WWOX: variants seen among roughly 807,000 people sequenced by gnomAD.
WWOX encodes the protein WW domain-containing oxidoreductase.
Under a neutral mutation model 46.2 loss-of-function variants are expected in WWOX, and 69 were observed. The ratio of observed to expected loss-of-function variants is 1.49; its 90% CI spans 1.23 to 1.82. The LOEUF (loss-of-function observed/expected upper bound fraction) is 1.82. WWOX is among the 40% of genes most tolerant of loss of function. The pLI, the probability that WWOX is intolerant of heterozygous loss-of-function variation, is 0.00. For synonymous variants in WWOX, 359 were observed against 202.6 expected (o/e 1.77, Z -6.56); for missense variants, 919 against 542.6 (o/e 1.69, Z -6.89).
At chr16:78,495,582 C>T (rs1344101349) in intron 8 of WWOX, among the ~76,000 whole-genome samples, 3 of 150,776 alleles carry the variant, frequency 2.0e-5, no homozygotes, top group Non-Finnish European at 2.9e-5. Context: ...GATCTCAGCT[C>T]ACTGCAACCT....
At chr16:79,059,775 AGTT>A (rs2048327122) in intron 8 of WWOX, among the ~76,000 whole-genome samples, 2 of 152,224 alleles carry the variant, frequency 1.3e-5, no homozygotes, top group African/African-American at 4.8e-5. Flanking sequence ...CATTTAAAAA[AGTT>A]GTTCTGCTAA....
chr16:79,059,722 T>C (rs940751676), intron 8 of WWOX, among the ~76,000 whole-genome samples: 1 of 152,160 alleles, frequency 6.6e-6, no homozygotes, highest in African/African-American at 2.4e-5. Flanking sequence ...TCAATCGTTT[T>C]ACTAAGAAAT....
chr16:79,204,766 T>A (rs1254732918), intron 8 of WWOX: 1 of 152,156 alleles, frequency 6.6e-6, no homozygotes, highest in Non-Finnish European at 1.5e-5. Flanking sequence ...CTTTGGGTGG[T>A]TGGGACTGGC....
chr16:78,472,104 T>C (rs2084237201), intron 8 of WWOX, among the ~76,000 whole-genome samples: 1 of 151,892 alleles, frequency 6.6e-6, no homozygotes, highest in African/African-American at 2.4e-5. Context: ...AGACAGAGAG[T>C]TGAGGAAAGC....
chr16:78,951,679 G>A (rs1025172058), intron 8 of WWOX, among the ~76,000 whole-genome samples: 1 of 152,188 alleles, frequency 6.6e-6, no homozygotes, highest in African/African-American at 2.4e-5. Flanking sequence ...GTGGAATTCA[G>A]GACTGCGGTT....
chr16:78,862,538 A>G (rs1385755062), intron 8 of WWOX, among the ~76,000 whole-genome samples: 1 of 152,104 alleles, frequency 6.6e-6, no homozygotes, highest in East Asian at 1.9e-4. Flanking sequence ...AGATTTTTAA[A>G]TAAGGAATTG....
chr16:78,705,333 T>C (rs2048307541), intron 8 of WWOX, among the ~76,000 whole-genome samples: 1 of 152,172 alleles, frequency 6.6e-6, no homozygotes, highest in African/African-American at 2.4e-5. Flanking sequence ...GACAACATGG[T>C]CTATATGAAA....
At position 78,768,933 on chromosome 16, in the gene WWOX, C is replaced by T. The variant is rs369939522; in HGVS notation, c.1056+336181C>T. On this transcript the variant is annotated intron_variant, in intron 8 of 8. Transcript: ENST00000566780. ...TGCGCCATGGTGTAGGGGAGGAGGA[C>T]GGTTTCCATTCTGTTTTGAGCATCA... 7.9e-5 allele frequency among the ~76,000 whole-genome samples: 12 copies of T among 152,138 alleles called. No individual in the cohort carries two copies. In the East Asian group the frequency reaches 1.2e-3, roughly 15 times the overall value.
chr16:78,942,251 T>C (rs2045866584), intron 8 of WWOX, among the ~76,000 whole-genome samples: 1 of 152,200 alleles, frequency 6.6e-6, no homozygotes, highest in Non-Finnish European at 1.5e-5. Flanking sequence ...GCTTCTTAAA[T>C]AATTCTAGTT....
intron 8 of WWOX, among the ~76,000 whole-genome samples, chr16:78,965,335 G>A (rs1437252923): frequency 6.6e-6 from 1 of 152,142 alleles, no homozygotes; most frequent in East Asian, 1.9e-4. Context: ...TTGGGAGGCT[G>A]AGGTGGGTGG....
chr16:78,723,756 C>T (rs1369169570), intron 8 of WWOX, among the ~76,000 whole-genome samples: 1 of 151,940 alleles, frequency 6.6e-6, no homozygotes, highest in East Asian at 1.9e-4. Context: ...TATTGCTTTC[C>T]CACCTCTGCC....
intron 5 of WWOX, among the ~76,000 whole-genome samples, chr16:78,186,220 T>A (rs2035699077): frequency 1.3e-5 from 2 of 151,798 alleles, no homozygotes; most frequent in South Asian, 4.1e-4. Flanking sequence ...TTGAAGTTCA[T>A]TTAATCTGTT....
At position 78,407,100 on chromosome 16, in the gene WWOX, C is replaced by T. The variant is rs184023019; in HGVS notation, c.606-17770C>T. Among the ~76,000 whole-genome samples, 1,157 of 152,238 alleles carry T rather than the reference C, an allele frequency of 7.6e-3. 11 individuals are homozygous for T. The highest frequency in any genetic ancestry group is 7.9e-3 in the Non-Finnish European group (539 of 68,044). On this transcript the variant is annotated intron_variant, in intron 6 of 8. Transcript: ENST00000566780. ...AATTGCTGTGTTCAGTGTATACTGC[C>T]ATCCATGATTTCATGAAACCAGCTC...
chr16:78,742,433 TAGTC>T (rs1250906201), intron 8 of WWOX, among the ~76,000 whole-genome samples: 1 of 152,176 alleles, frequency 6.6e-6, no homozygotes, highest in Non-Finnish European at 1.5e-5. Context: ...ATGGAGATAA[TAGTC>T]AGCACCTATG....
At chr16:78,772,112 G>C (rs2050078777) in intron 8 of WWOX, among the ~76,000 whole-genome samples, 1 of 152,100 alleles carries the variant, frequency 6.6e-6, no homozygotes, top group East Asian at 1.9e-4. Flanking sequence ...ATGTCACAAA[G>C]GTTTGTTGAA....
chr16:79,054,295 G>A (rs908229346), intron 8 of WWOX, among the ~76,000 whole-genome samples: 2 of 152,086 alleles, frequency 1.3e-5, no homozygotes, highest in African/African-American at 4.8e-5. Context: ...TTTTAGTTAG[G>A]CCCGCAAAAC....
At chr16:78,827,858 C>A (rs753870026) in intron 8 of WWOX, among the ~76,000 whole-genome samples, 2 of 151,802 alleles carry the variant, frequency 1.3e-5, no homozygotes, top group African/African-American at 2.4e-5. Context: ...ACAACAACAA[C>A]AAAACATATG....
At chr16:78,161,189 T>G (rs1326509965) in intron 4 of WWOX, among the ~76,000 whole-genome samples, 1 of 152,180 alleles carries the variant, frequency 6.6e-6, no homozygotes, top group African/African-American at 2.4e-5. Flanking sequence ...ATAATGTACA[T>G]TCTTTTTTAA....
intron 8 of WWOX, among the ~76,000 whole-genome samples, chr16:78,490,351 G>A (rs1334149895): frequency 1.3e-5 from 2 of 152,054 alleles, no homozygotes; most frequent in African/African-American, 4.8e-5. Flanking sequence ...ATTTTAAAGG[G>A]ACCTCATGTG....
Sources: gnomAD v4.1 joint callset for allele counts (sites outside exome capture counted in the v4.1 genomes callset) on GRCh38, gnomAD v4.1.1 for gene constraint, MANE v1.5 for transcripts, NCBI Gene and HGNC (gene_info 2026-07-23, HGNC 2026-07-21) for gene names.